Variants in CNTN1 observed in about 807,000 individuals in gnomAD.
CNTN1 encodes the protein contactin-1.
Under a neutral mutation model 126.4 loss-of-function variants are expected in CNTN1, and 38 were observed. The observed-to-expected ratio is 0.30, with a 90% CI of 0.23 to 0.39. CNTN1 has a LOEUF of 0.39. CNTN1 is among the 10% of genes least tolerant of loss of function. The pLI is 1.00. For synonymous variants in CNTN1, 413 were observed against 422.6 expected (o/e 0.98, Z 0.28); for missense variants, 1,009 against 1,248.4 (o/e 0.81, Z 2.89).
At chr12:41,015,445 T>G (rs1333755282) in intron 18 of CNTN1, among the ~76,000 whole-genome samples, 1 of 152,152 alleles carries the variant, frequency 6.6e-6, no homozygotes, top group African/African-American at 2.4e-5. Context: ...ATTTTTGAAA[T>G]TTTCATAGCT....
At chr12:40,865,885 A>G (rs1381819060) in intron 1 of CNTN1, among the ~76,000 whole-genome samples, 1 of 152,226 alleles carries the variant, frequency 6.6e-6, no homozygotes, top group Non-Finnish European at 1.5e-5. Context: ...AAGGGATTAC[A>G]TTCAATCTGT....
intron 1 of CNTN1, among the ~76,000 whole-genome samples, chr12:40,715,330 T>C (rs1942022973): frequency 6.6e-6 from 1 of 152,106 alleles, no homozygotes; most frequent in Non-Finnish European, 1.5e-5. Context: ...TGTTAACTGG[T>C]AACTCTTATC....
At chr12:41,057,423 A>C (rs1014196894) in intron 23 of CNTN1, among the ~76,000 whole-genome samples, 14 of 151,864 alleles carry the variant, frequency 9.2e-5, no homozygotes, top group African/African-American at 3.4e-4. Context: ...GACCCTTTAC[A>C]AGGAAAATAT....
chr12:40,997,970 T>C (rs1013805666), intron 17 of CNTN1, among the ~76,000 whole-genome samples: 4 of 152,078 alleles, frequency 2.6e-5, no homozygotes, highest in African/African-American at 9.7e-5. Flanking sequence ...CACAACACAA[T>C]GTCCATAGTT....
intron 1 of CNTN1, among the ~76,000 whole-genome samples, chr12:40,817,712 T>C (rs1941306794): frequency 6.6e-6 from 1 of 152,110 alleles, no homozygotes; most frequent in Non-Finnish European, 1.5e-5. Context: ...ATCATCATGA[T>C]GCTATTTGGC....
chr12:40,794,570 T>A (rs1401414599), intron 1 of CNTN1, among the ~76,000 whole-genome samples: 1 of 152,098 alleles, frequency 6.6e-6, no homozygotes, highest in Non-Finnish European at 1.5e-5. Flanking sequence ...TTAAATATCC[T>A]ATTTATTAAA....
In CNTN1 at chr12:40,959,127, G is replaced by T; in HGVS notation, c.1697G>T (p.Gly566Val). The change falls in exon 15 of 24, where the codon GGG (glycine) becomes GTG (valine). Residue 566 changes from glycine to valine, a missense_variant. Physicochemically the swap from Gly to Val is moderately radical, Grantham distance 109. Coordinates refer to ENST00000551295, the MANE Select transcript of CNTN1 (RefSeq NM_001843.4). The part of the protein sequence containing the change: ...YQRNFMLDSN[G>V]ELLIRNAQLK... ...TTTTGCTAACAGCTGGATTCCAATG[G>T]GGAATTACTAATCCGAAATGCGCAG... 6.2e-7 allele frequency: 1 copy of T among 1,612,434 alleles called. No homozygotes were observed. Among genetic ancestry groups the T allele is most frequent in the Non-Finnish European group, 8.5e-7 (1 of 1,179,020 alleles).
chr12:41,016,338 G>C lies in CNTN1; in HGVS notation c.2185-344G>C, dbSNP rs61924397. 0.024 allele frequency among the ~76,000 whole-genome samples: 3,675 copies of C among 152,240 alleles called. 77 individuals are homozygous for C. Among genetic ancestry groups the C allele is most frequent in the African/African-American group, 0.031 (1,308 of 41,542 alleles). ...TTGGAGTCTTGCAGTGGCAGAACCT[G>C]TGGTCGGAGAAAACGTCGAGGTGAT... On this transcript the variant is annotated intron_variant, in intron 18 of 23. Transcript: ENST00000551295.
chr12:40,972,174 C>G (rs2137048550), intron 15 of CNTN1: 9 of 985,372 alleles, frequency 9.1e-6, no homozygotes, highest in Non-Finnish European at 1.1e-5. Flanking sequence ...GTAAAGATGA[C>G]TAAGCCATTA....
chr12:40,988,484 G>A (rs994337158), intron 16 of CNTN1, among the ~76,000 whole-genome samples: 1 of 152,096 alleles, frequency 6.6e-6, no homozygotes, highest in African/African-American at 2.4e-5. Context: ...TTCCAAAGCT[G>A]CTCAAACAAT....
chr12:40,842,042 A>T (rs919540120), intron 1 of CNTN1, among the ~76,000 whole-genome samples: 1 of 152,060 alleles, frequency 6.6e-6, no homozygotes, highest in Non-Finnish European at 1.5e-5. Flanking sequence ...ATTAGGAGAA[A>T]GTCAAATATA....
At chr12:41,059,075 C>G (rs1309259466) in intron 23 of CNTN1, among the ~76,000 whole-genome samples, 1 of 152,082 alleles carries the variant, frequency 6.6e-6, no homozygotes, top group Non-Finnish European at 1.5e-5. Flanking sequence ...GTCCCAAGAT[C>G]TAACAAACAA....
chr12:40,835,408 T>C (rs1473501722), intron 1 of CNTN1, among the ~76,000 whole-genome samples: 1 of 152,160 alleles, frequency 6.6e-6, no homozygotes, highest in African/African-American at 2.4e-5. Flanking sequence ...AATTACATGG[T>C]TTCTTAGCAG....
chr12:41,003,076 G>A (rs748988682), intron 17 of CNTN1, among the ~76,000 whole-genome samples: 6 of 152,222 alleles, frequency 3.9e-5, no homozygotes, highest in Non-Finnish European at 5.9e-5. Context: ...TGTTGGCTCC[G>A]GGTTTGTCAC....
Position 41,032,504 on chromosome 12 carries a change from C to T in CNTN1, c.2980+3285C>T, listed in dbSNP as rs189133270. 1.9e-3 allele frequency among the ~76,000 whole-genome samples: 292 copies of T among 152,270 alleles called. 3 individuals carry two copies. Among genetic ancestry groups the T allele is most frequent in the Non-Finnish European group, 7.9e-4 (54 of 68,026 alleles). Reference sequence around the variant, plus strand: ...TCTCAATTAAGTGCTTTGTCCCTTTCTCTGTTGACATTTCTCTTCTTGAAC... The same window carrying T: ...TCTCAATTAAGTGCTTTGTCCCTTTTTCTGTTGACATTTCTCTTCTTGAAC... On this transcript the variant is annotated intron_variant, in intron 23 of 23. Transcript: ENST00000551295.
At chr12:40,883,356 A>G (rs1347197303) in intron 1 of CNTN1, among the ~76,000 whole-genome samples, 1 of 151,622 alleles carries the variant, frequency 6.6e-6, no homozygotes, top group East Asian at 1.9e-4. Flanking sequence ...ATATTATGAA[A>G]GTCATACAAC....
intron 1 of CNTN1, among the ~76,000 whole-genome samples, chr12:40,866,485 C>A (rs1194894579): frequency 6.6e-6 from 1 of 152,072 alleles, no homozygotes; most frequent in Non-Finnish European, 1.5e-5. Context: ...AAGTTTCCTT[C>A]TATTCCTAGT....
At chr12:40,910,633 A>G (rs1282199361) in intron 3 of CNTN1, among the ~76,000 whole-genome samples, 1 of 152,204 alleles carries the variant, frequency 6.6e-6, no homozygotes. Context: ...TACAGAGTCT[A>G]GAGTAAGACC....
chr12:40,813,647 A>G (rs139530316), intron 1 of CNTN1, among the ~76,000 whole-genome samples: 146 of 152,346 alleles, frequency 9.6e-4, no homozygotes, highest in Non-Finnish European at 1.7e-3. Context: ...TAGTGCTGCA[A>G]TAAACATACA....
Sources: allele counts gnomAD v4.1 joint callset (sites outside exome capture counted in the v4.1 genomes callset), GRCh38; gene constraint gnomAD v4.1.1; transcripts MANE v1.5; gene names NCBI Gene and HGNC (gene_info 2026-07-23, HGNC 2026-07-21).